The following CNKSR2 variants were observed in gnomAD, a reference collection of about 807,000 sequenced individuals.
CNKSR2 encodes CNK homolog protein 2.
In CNKSR2, 14 loss-of-function variants were observed where a neutral mutation model predicts 84.4. The ratio of observed to expected loss-of-function variants is 0.17; its 90% CI spans 0.11 to 0.26. The LOEUF (loss-of-function observed/expected upper bound fraction) is 0.26, where lower values mean the gene tolerates loss of function less well. CNKSR2 is among the 10% of genes least tolerant of loss of function. The pLI is 1.00. For synonymous variants in CNKSR2, 275 were observed against 277.9 expected (o/e 0.99, Z 0.10); for missense variants, 485 against 771.2 (o/e 0.63, Z 4.40).
chrX:21,537,131 C>T (rs780655928), intron 11 of CNKSR2, among the ~76,000 whole-genome samples: 44 of 110,610 alleles, frequency 4.0e-4, no homozygotes, highest in African/African-American at 1.3e-3. Flanking sequence ...TTGACCCATT[C>T]GTTGTTCAGA....
At position 21,590,610 on chromosome X, in the gene CNKSR2, G is replaced by A; in HGVS notation, c.1647G>A (p.Lys549=). 1 of 1,207,986 alleles carries A rather than the reference G, an allele frequency of 8.3e-7. No homozygotes were observed. The highest frequency in any genetic ancestry group is 1.1e-6 in the Non-Finnish European group (1 of 893,161). The change falls in exon 14 of 22, where the codon AAG becomes AAA. Residue 549 remains lysine, a synonymous_variant. Transcript: ENST00000379510. ...CCTCACTGCAGCACAAATCAAAGAA[G>A]AAAAACAAAGGTAAGAAAAGGAAAT... The part of the protein sequence containing the change: ...QQSSLQHKSK[K]KNKGPIAGKS...
intron 14 of CNKSR2, 42 bp from the exon 15 acceptor site, chrX:21,590,980 T>G: frequency 8.9e-7 from 1 of 1,127,606 alleles, no homozygotes; most frequent in Non-Finnish European, 1.2e-6. Flanking sequence ...TCCTCTACTT[T>G]CATACCTTTG....
chrX:21,512,296 G>C (rs1197213316), intron 8 of CNKSR2, among the ~76,000 whole-genome samples: 1 of 111,029 alleles, frequency 9.0e-6, no homozygotes, highest in Admixed American at 9.6e-5. Flanking sequence ...GGAATTCTCA[G>C]GCCCCACTCC....
chrX:21,473,107 A>G (rs1444734543), intron 5 of CNKSR2, among the ~76,000 whole-genome samples: 1 of 111,910 alleles, frequency 8.9e-6, no homozygotes, highest in Non-Finnish European at 1.9e-5. Context: ...AAGTAACAGC[A>G]TAAATAGTAC....
At chrX:21,625,956 C>T (rs1374963201) in intron 20 of CNKSR2, among the ~76,000 whole-genome samples, 1 of 111,826 alleles carries the variant, frequency 8.9e-6, no homozygotes, top group Non-Finnish European at 1.9e-5. Context: ...GGAGGCAACA[C>T]AGTGTCCTGA....
chrX:21,498,338 C>G (rs2091523812), intron 7 of CNKSR2, among the ~76,000 whole-genome samples: 1 of 111,412 alleles, frequency 9.0e-6, no homozygotes, highest in South Asian at 3.7e-4. Flanking sequence ...TATATGCAAA[C>G]TGTTAGGCCC....
At chrX:21,390,982 G>A (rs758343278) in intron 1 of CNKSR2, among the ~76,000 whole-genome samples, 73 of 111,915 alleles carry the variant, frequency 6.5e-4, no homozygotes, top group African/African-American at 2.1e-3. Context: ...CCAGCAGGGC[G>A]GTCATTAAAT....
intron 20 of CNKSR2, among the ~76,000 whole-genome samples, chrX:21,627,633 G>A (rs1373121775): frequency 8.9e-6 from 1 of 112,123 alleles, no homozygotes; most frequent in African/African-American, 3.2e-5. Context: ...ATGGCCTCAG[G>A]CAAAGAGAGA....
chrX:21,473,848 G>A (rs1227066856), intron 5 of CNKSR2, among the ~76,000 whole-genome samples: 1 of 100,252 alleles, frequency 1.0e-5, no homozygotes, highest in Non-Finnish European at 2.0e-5. Flanking sequence ...CCGGGTTCAC[G>A]CCATTCCCCT....
At chrX:21,460,994 T>A (rs1371207414) in intron 4 of CNKSR2, among the ~76,000 whole-genome samples, 1 of 112,855 alleles carries the variant, frequency 8.9e-6, no homozygotes, top group Admixed American at 9.3e-5. Context: ...GCAAAAAACA[T>A]GAAAGTGCAG....
intron 9 of CNKSR2, among the ~76,000 whole-genome samples, chrX:21,525,881 G>T (rs1489248741): frequency 9.0e-6 from 1 of 110,906 alleles, no homozygotes. Flanking sequence ...TTGTGTTTGT[G>T]ATTGCATTAA....
chrX:21,459,887 T>G (rs2091040645), intron 4 of CNKSR2, among the ~76,000 whole-genome samples: 1 of 111,782 alleles, frequency 8.9e-6, no homozygotes, highest in Non-Finnish European at 1.9e-5. Context: ...TAAAACTGAT[T>G]TTTAAAGCTT....
intron 13 of CNKSR2, among the ~76,000 whole-genome samples, chrX:21,568,645 TTA>T (rs1301296274): frequency 1.8e-5 from 2 of 111,720 alleles, no homozygotes; most frequent in African/African-American, 3.3e-5. Flanking sequence ...AAAAACATTT[TTA>T]TTTTTTTTTA....
intron 7 of CNKSR2, among the ~76,000 whole-genome samples, chrX:21,498,158 A>G (rs1328332838): frequency 1.8e-5 from 2 of 112,042 alleles, no homozygotes; most frequent in Non-Finnish European, 3.8e-5. Context: ...TGATTTGGTT[A>G]TTTAAAGAAA....
chrX:21,517,572 T>C (rs2147098071), intron 9 of CNKSR2, among the ~76,000 whole-genome samples: 1 of 111,639 alleles, frequency 9.0e-6, no homozygotes, highest in Admixed American at 9.5e-5. Context: ...TTGAAAGTTA[T>C]AAAAATATGA....
At chrX:21,461,237 A>G (rs1176585629) in intron 4 of CNKSR2, among the ~76,000 whole-genome samples, 1 of 112,223 alleles carries the variant, frequency 8.9e-6, no homozygotes, top group East Asian at 2.8e-4. Flanking sequence ...AACTGGGGTG[A>G]GATGCTATGT....
chrX:21,453,657 A>T (rs2090963196), intron 4 of CNKSR2, among the ~76,000 whole-genome samples: 1 of 111,913 alleles, frequency 8.9e-6, no homozygotes, highest in African/African-American at 3.2e-5. Context: ...AAGCTGTATT[A>T]GTCCATTCTT....
intron 7 of CNKSR2, among the ~76,000 whole-genome samples, chrX:21,499,515 G>A (rs1181512801): frequency 9.0e-6 from 1 of 111,300 alleles, no homozygotes; most frequent in Non-Finnish European, 1.9e-5. Context: ...AAAAAATGTG[G>A]AGCACTGTCT....
chrX:21,459,682 C>T (rs202209083), intron 4 of CNKSR2, among the ~76,000 whole-genome samples: 1 of 111,117 alleles, frequency 9.0e-6, no homozygotes, highest in East Asian at 2.8e-4. Flanking sequence ...TTGTAAATTA[C>T]TGTATCATGA....
Sources: gnomAD v4.1 joint callset for allele counts (sites outside exome capture counted in the v4.1 genomes callset) on GRCh38, gnomAD v4.1.1 for gene constraint, MANE v1.5 for transcripts, NCBI Gene and HGNC (gene_info 2026-07-23, HGNC 2026-07-21) for gene names.